The following VAV1 variants were observed in gnomAD, a reference collection of about 807,000 sequenced individuals.
VAV1 encodes proto-oncogene vav.
Under a neutral mutation model 128.1 loss-of-function variants are expected in VAV1, and 33 were observed. The ratio of observed to expected loss-of-function variants is 0.26; its 90% CI spans 0.20 to 0.34. The LOEUF (loss-of-function observed/expected upper bound fraction) is 0.34. Among genes scored for constraint, VAV1 ranks in the 10% least tolerant of loss-of-function variants. VAV1 has a pLI of 1.00. For missense variants in VAV1, 715 were observed against 1,093.7 expected (o/e 0.65, Z 4.88); for synonymous variants, 394 against 409.8 (o/e 0.96, Z 0.47).
chr19:6,807,631 G>C (rs1236659612), intron 1 of VAV1, among the ~76,000 whole-genome samples: 2 of 152,000 alleles, frequency 1.3e-5, no homozygotes, highest in Non-Finnish European at 2.9e-5. Flanking sequence ...AGGATCACTT[G>C]AGCCCAGGAG....
rs754577854 is a variant in VAV1, at chr19:6,785,661, C to CTT, written c.204+12665_204+12666dup. 1.2e-4 allele frequency among the ~76,000 whole-genome samples: 15 copies of CTT among 128,518 alleles called. No individual in the cohort carries two copies. The South Asian group carries it at 2.5e-3, about 22-fold the overall frequency. 84.3% of individuals were successfully genotyped at this position (128,518 alleles called of 152,430 possible). A position where few individuals can be genotyped will look rare whatever the true frequency, so the allele number is the denominator to read the frequency against. Reference sequence around the variant, plus strand: ...GCCAGGTTTCTTTCTTTCTTTCTTTCTTTTTTTTTTTTTTTTGAGATAGAG... The same window carrying CTT: ...GCCAGGTTTCTTTCTTTCTTTCTTTCTTTTTTTTTTTTTTTTTTGAGATAGAG... On this transcript the variant is annotated intron_variant, in intron 1 of 26. Coordinates refer to ENST00000602142, the MANE Select transcript of VAV1 (RefSeq NM_005428.4).
intron 1 of VAV1, among the ~76,000 whole-genome samples, chr19:6,796,347 C>A (rs1971135285): frequency 7.2e-6 from 1 of 139,224 alleles, no homozygotes; most frequent in Non-Finnish European, 1.5e-5. Flanking sequence ...ATATGGGGTG[C>A]TTGGGGTGAC....
At chr19:6,855,085 T>C (rs1332429217) in intron 26 of VAV1, among the ~76,000 whole-genome samples, 1 of 152,244 alleles carries the variant, frequency 6.6e-6, no homozygotes, top group African/African-American at 2.4e-5. Context: ...TTCTCATTTT[T>C]GTTCCATGAA....
chr19:6,824,374 G>C (rs1314004079), intron 6 of VAV1, among the ~76,000 whole-genome samples: 2 of 152,120 alleles, frequency 1.3e-5, no homozygotes, highest in African/African-American at 4.8e-5. Context: ...GCCTCTTCTG[G>C]ACATTTCATA....
chr19:6,841,590 T>C (rs1972379047), intron 21 of VAV1, among the ~76,000 whole-genome samples: 1 of 151,432 alleles, frequency 6.6e-6, no homozygotes, highest in Non-Finnish European at 1.5e-5. Flanking sequence ...TTCTCCTGCC[T>C]CAGCCTTCCA....
At chr19:6,832,274 C>A in intron 15 of VAV1, 74 bp downstream of exon 15, 1 of 1,398,644 alleles carries the variant, frequency 7.1e-7, no homozygotes, top group Non-Finnish European at 1.0e-6. Context: ...TGATCTAGTC[C>A]CTACTCTGTC....
chr19:6,840,303 CTTT>C (rs34882027), intron 21 of VAV1, among the ~76,000 whole-genome samples: 92 of 124,034 alleles, frequency 7.4e-4, no homozygotes, highest in Admixed American at 1.1e-3. Context: ...AATTTTCTTT[CTTT>C]TTTTTTTTTT....
At chr19:6,776,308 C>CT in intron 1 of VAV1, among the ~76,000 whole-genome samples, 1 of 150,668 alleles carries the variant, frequency 6.6e-6, no homozygotes, top group Non-Finnish European at 1.5e-5. Flanking sequence ...ATCCATCCAT[C>CT]CATCCATCCA....
intron 1 of VAV1, among the ~76,000 whole-genome samples, chr19:6,816,276 T>A (rs1971647003): frequency 6.6e-6 from 1 of 152,044 alleles, no homozygotes; most frequent in Admixed American, 6.6e-5. Context: ...CTCCTCGGCT[T>A]CCCAAAATGC....
At chr19:6,811,022 T>G (rs1229539121) in intron 1 of VAV1, among the ~76,000 whole-genome samples, 1 of 152,092 alleles carries the variant, frequency 6.6e-6, no homozygotes, top group Non-Finnish European at 1.5e-5. Context: ...TTAGTTACTG[T>G]GTTATTCATT....
Position 6,772,792 on chromosome 19 carries a change from T to C in VAV1, c.-16T>C. On this transcript the variant is annotated 5_prime_UTR_variant, in exon 1 of 27. Coordinates refer to ENST00000602142, the MANE Select transcript of VAV1 (RefSeq NM_005428.4). The surrounding 1 kb of genome is among the most constrained non-coding windows in gnomAD (Gnocchi z 4.8). ...GGCTGCGAGGGTGCACGGCCGGCCC[T>C]GGGCAGGCGGTAGCCATGGAGCTGT... 1 of 1,610,652 alleles carries C rather than the reference T, an allele frequency of 6.2e-7. No homozygotes were observed. The highest frequency in any genetic ancestry group is 1.3e-5 in the African/African-American group (1 of 74,962).
At position 6,822,151 on chromosome 19, in the gene VAV1, G is replaced by A. The variant is rs932933304; in HGVS notation, c.450-70G>A. 1.0e-5 allele frequency: 15 copies of A among 1,450,508 alleles called. No homozygotes were observed. Among genetic ancestry groups the A allele is most frequent in the Middle Eastern group, 2.4e-4 (1 of 4,196 alleles). 89.9% of individuals were successfully genotyped at this position (1,450,508 alleles called of 1,614,324 possible). ...GAGTCTTGGGGGGACAAAGCCCTGC[G>A]CTGGGGTCTGCGGGGACCCTGCTGT... On this transcript the variant is annotated intron_variant, in intron 4 of 26. Coordinates refer to ENST00000602142, the MANE Select transcript of VAV1 (RefSeq NM_005428.4). The surrounding 1 kb of genome is among the most constrained non-coding windows in gnomAD (Gnocchi z 5.9).
intron 19 of VAV1, 119 bp from the exon 20 acceptor site, chr19:6,836,313 T>G: frequency 7.7e-7 from 1 of 1,306,310 alleles, no homozygotes; most frequent in East Asian, 2.5e-5. Context: ...TCCACGTCCT[T>G]GTCAACACTT....
At chr19:6,810,752 T>C (rs1371647245) in intron 1 of VAV1, among the ~76,000 whole-genome samples, 1 of 151,930 alleles carries the variant, frequency 6.6e-6, no homozygotes, top group Non-Finnish European at 1.5e-5. Context: ...TTGGGGAGTG[T>C]TGAAAATCAT....
Position 6,848,016 on chromosome 19 carries a change from G to A in VAV1, c.2031G>A (p.Glu677=). Residue 677 remains glutamate (E), a synonymous_variant, in exon 23 of 27, where the codon GAG becomes GAA. Coordinates refer to ENST00000602142, the MANE Select transcript of VAV1 (RefSeq NM_005428.4). ...TTTGCAGGTACGCAGGCCCCATGGA[G>A]CGGGCAGGGGCAGAGAGCATCCTGG... ...SVHLWYAGPM[E]RAGAESILAN... 2 of 1,523,224 alleles carry A rather than the reference G, an allele frequency of 1.3e-6. No individual in the cohort carries two copies. Among genetic ancestry groups the A allele is most frequent in the Non-Finnish European group, 1.7e-6 (2 of 1,143,448 alleles). 94.4% of individuals were successfully genotyped at this position (1,523,224 alleles called of 1,614,324 possible).
In VAV1 at chr19:6,833,635, G is replaced by T; in HGVS notation, c.1708+10G>T. 6.2e-7 allele frequency: 1 copy of T among 1,614,086 alleles called. No individual in the cohort carries two copies. The highest frequency in any genetic ancestry group is 8.5e-7 in the Non-Finnish European group (1 of 1,179,986). On this transcript the variant is annotated intron_variant, in intron 17 of 26. Coordinates refer to ENST00000602142, the MANE Select transcript of VAV1 (RefSeq NM_005428.4). ...GGCCGACATGGGCAAGGTACGAGTG[G>T]GAGGGAGGCTGGGAGGTGAGCTTGG...
At chr19:6,781,432 G>A (rs1274349582) in intron 1 of VAV1, among the ~76,000 whole-genome samples, 1 of 152,136 alleles carries the variant, frequency 6.6e-6, no homozygotes, top group Non-Finnish European at 1.5e-5. Context: ...AGCTGGATGG[G>A]AAATCAGTGG....
At chr19:6,812,627 G>C (rs904274979) in intron 1 of VAV1, among the ~76,000 whole-genome samples, 1 of 152,142 alleles carries the variant, frequency 6.6e-6, no homozygotes, top group Non-Finnish European at 1.5e-5. Flanking sequence ...CTCCAGCCTG[G>C]ATGACAGAGG....
chr19:6,831,608 G>A (rs561128897), intron 14 of VAV1, among the ~76,000 whole-genome samples: 3 of 152,134 alleles, frequency 2.0e-5, no homozygotes, highest in African/African-American at 2.4e-5. Context: ...CACCGCGCCC[G>A]GCTGGCTTCT....
Sources: allele counts gnomAD v4.1 joint callset (sites outside exome capture counted in the v4.1 genomes callset), GRCh38; gene constraint gnomAD v4.1.1; non-coding constraint Gnocchi (gnomAD v3.1); transcripts MANE v1.5; gene names NCBI Gene and HGNC (gene_info 2026-07-23, HGNC 2026-07-21).